LMBR1L: variants seen among roughly 807,000 people sequenced by gnomAD.
The protein encoded by LMBR1L is protein LMBR1L.
In LMBR1L, 47 loss-of-function variants were observed where a neutral mutation model predicts 67.3. The ratio of observed to expected loss-of-function variants is 0.70; its 90% CI spans 0.55 to 0.89. The LOEUF (loss-of-function observed/expected upper bound fraction) is 0.89, where lower values mean the gene tolerates loss of function less well. LMBR1L is among the 40% of genes least tolerant of loss of function. The pLI, the probability that LMBR1L is intolerant of heterozygous loss-of-function variation, is 0.00. For missense variants in LMBR1L, 533 were observed against 599.2 expected (o/e 0.89, Z 1.15); for synonymous variants, 247 against 250.3 (o/e 0.99, Z 0.13).
rs567938566 is a variant in LMBR1L at position 49,110,605 on chromosome 12, C to T, written c.-50G>A. The T allele has an allele frequency of 9.6e-6, 15 of 1,568,148 alleles. No homozygotes were observed. The highest frequency in any genetic ancestry group is 1.3e-5 in the African/African-American group (1 of 74,126). ...GAGGTGCCTCTGGGCCCGGGGAGGA[C>T]GAGCGGGGAGGAAGCCGCCGCCGCC... On this transcript the variant is annotated 5_prime_UTR_variant, in exon 1 of 17. Transcript: ENST00000267102.
chr12:49,101,865 C>T, intron 11 of LMBR1L: 1 of 579,972 alleles, frequency 1.7e-6, no homozygotes, highest in Middle Eastern at 4.6e-4. Flanking sequence ...ATTTTAATGC[C>T]AGGGCAAACC....
rs1233895451 is a variant in LMBR1L at position 49,097,602 on chromosome 12, T to C, written c.*70A>G. 2.6e-6 allele frequency: 4 copies of C among 1,509,904 alleles called. No homozygotes were observed. Among genetic ancestry groups the C allele is most frequent in the Non-Finnish European group, 3.7e-6 (4 of 1,091,254 alleles). 93.5% of individuals were successfully genotyped at this position (1,509,904 alleles called of 1,614,324 possible). ...CCAGGTCCTGAGGTCCAAGTAGCCTTGGGCTTCCCTCCAGGCCTAGGCAGC... is the reference window on the plus strand; with the variant it reads ...CCAGGTCCTGAGGTCCAAGTAGCCTCGGGCTTCCCTCCAGGCCTAGGCAGC... On this transcript the variant is annotated 3_prime_UTR_variant, in exon 17 of 17. Transcript: ENST00000267102.
In LMBR1L at chr12:49,107,062, G is replaced by A. The variant is rs1483369569; in HGVS notation, c.73-17C>T. ...TGTTGATATCTGTAGCAGAATATGA[G>A]CTGGGATGAGAAGCTCTAACCTTCA... is the stretch of plus-strand genomic sequence containing the variant. On this transcript the variant is annotated splice_polypyrimidine_tract_variant and intron_variant, in intron 1 of 16. Coordinates refer to ENST00000267102, the MANE Select transcript of LMBR1L (RefSeq NM_018113.4). 1 of 1,574,368 alleles carries A rather than the reference G, an allele frequency of 6.4e-7. No homozygotes were observed. Among genetic ancestry groups the A allele is most frequent in the East Asian group, 2.2e-5 (1 of 44,690 alleles).
rs138317156 is a variant in LMBR1L, at chr12:49,106,018, G to A, written c.158-61C>T. ...GACATCAGGGGGCAGCTCTGAGGCCGTTAGTATTACAATGTGCTCCCTGCC... is the reference window on the plus strand; with the variant it reads ...GACATCAGGGGGCAGCTCTGAGGCCATTAGTATTACAATGTGCTCCCTGCC... On this transcript the variant is annotated intron_variant, in intron 2 of 16. Transcript: ENST00000267102. 2,171 of 1,446,512 alleles carry A rather than the reference G, an allele frequency of 1.5e-3. 16 individuals are homozygous for A. Among genetic ancestry groups the A allele is most frequent in the South Asian group, 3.7e-3 (313 of 85,008 alleles). 89.6% of individuals were successfully genotyped at this position (1,446,512 alleles called of 1,614,324 possible).
Position 49,102,483 on chromosome 12 carries a change from T to A in LMBR1L, c.754A>T (p.Thr252Ser). 1 of 1,614,100 alleles carries A rather than the reference T, an allele frequency of 6.2e-7. No individual in the cohort carries two copies. Among genetic ancestry groups the A allele is most frequent in the Non-Finnish European group, 8.5e-7 (1 of 1,180,006 alleles). Residue 252 changes from threonine to serine, a missense_variant, in exon 9 of 17, where the codon ACC becomes TCC. This residue lies in a region of LMBR1L where 64 missense variants were observed against 109.0 expected (regional missense o/e 0.59). Transcript: ENST00000267102. ...TGCAACTTACTACAGATCCTGCGGG[T>A]CAGGGCTGCCTCCTCAAAGGCTGAG... ...YCSAFEEAAL[T>S]RRICNPTSCW...
At chr12:49,109,287 AC>A (rs1941272532) in intron 1 of LMBR1L, among the ~76,000 whole-genome samples, 1 of 152,188 alleles carries the variant, frequency 6.6e-6, no homozygotes, top group Admixed American at 6.5e-5. Context: ...CCAGCCCGAC[AC>A]TGTCTCAAGG....
intron 2 of LMBR1L, 67 bp downstream of exon 2, chr12:49,106,894 G>T: frequency 8.0e-7 from 1 of 1,253,976 alleles, no homozygotes; most frequent in Non-Finnish European, 1.2e-6. Flanking sequence ...GGGTACCATA[G>T]GCCCATTCCC....
At chr12:49,100,895 TTTTTTGTAC>T in intron 13 of LMBR1L, 1 of 550,342 alleles carries the variant, frequency 1.8e-6, no homozygotes, top group East Asian at 3.3e-5. Context: ...GTCTGGCTAA[TTTTTTGTAC>T]TTTTTGTAGA....
chr12:49,110,764 G>T lies in LMBR1L; in HGVS notation c.-209C>A. On this transcript the variant is annotated 5_prime_UTR_variant, in exon 1 of 17. Transcript: ENST00000267102. The stretch of plus-strand genomic sequence containing the variant: ...GGCACCACCCGCCTCGTTTTAAAGG[G>T]CTCTGTCCTCCCTTTGCTCCCCACT... 1.7e-6 allele frequency: 1 copy of T among 585,662 alleles called. No homozygotes were observed. The highest frequency in any genetic ancestry group is 3.0e-5 in the Admixed American group (1 of 33,762). The allele number at this position is 585,662 out of a possible 1,614,324, so 36.3% of individuals were successfully genotyped here.
Position 49,103,147 on chromosome 12 carries a change from T to C in LMBR1L, c.575A>G (p.Tyr192Cys). 3.7e-6 allele frequency: 6 copies of C among 1,613,704 alleles called. No homozygotes were observed. The South Asian group carries it at 6.6e-5, about 18-fold the overall frequency. ...GCATGAGTAGAGGTAGGGGAGATAG[T>C]ACTCCCAAAAGTCTAAGGATAAAAA... ...NRESLYDFWE[Y>C]YLPYLYSCIS... is the part of the protein sequence containing the mutation. Residue 192 changes from tyrosine (Y) to cysteine (C), a missense_variant, in exon 7 of 17, where the codon TAC becomes TGC. By Grantham distance (194) the Tyr-to-Cys change is radical. Coordinates refer to ENST00000267102, the MANE Select transcript of LMBR1L (RefSeq NM_018113.4).
Position 49,097,642 on chromosome 12 carries a change from A to G in LMBR1L, c.*30T>C. On this transcript the variant is annotated 3_prime_UTR_variant, in exon 17 of 17. Coordinates refer to ENST00000267102, the MANE Select transcript of LMBR1L (RefSeq NM_018113.4). ...GCCTAGGCAGCAGATGGCAGTGTCC[A>G]GTTTTTTCCTTCCCACCCCCAGCTG... 6.2e-7 allele frequency: 1 copy of G among 1,609,944 alleles called. No homozygotes were observed. The highest frequency in any genetic ancestry group is 8.5e-7 in the Non-Finnish European group (1 of 1,177,722).
chr12:49,108,561 C>CA (rs35533408), intron 1 of LMBR1L, among the ~76,000 whole-genome samples: 1,722 of 46,874 alleles, frequency 0.037, 60 homozygotes, highest in African/African-American at 0.079. Flanking sequence ...GACTGAGTCT[C>CA]AAAAAAAAAA....
In LMBR1L at chr12:49,106,404, T is replaced by C. The variant is rs112869863; in HGVS notation, c.158-447A>G. The C allele has an allele frequency of 3.9e-3, 1,601 of 409,226 alleles. 28 individuals are homozygous for C. Among genetic ancestry groups the C allele is most frequent in the African/African-American group, 0.031 (1,476 of 48,356 alleles). 25.3% of individuals were successfully genotyped at this position (409,226 alleles called of 1,614,324 possible). On this transcript the variant is annotated intron_variant, in intron 2 of 16. Transcript: ENST00000267102. ...TGCCTTGTTGAGGGGGGACTCATCC[T>C]GAGCCATCCTAAGAGGAGGAAAGGC...
At chr12:49,107,111 C>T in intron 1 of LMBR1L, 66 bp from the exon 2 acceptor site, 1 of 1,061,582 alleles carries the variant, frequency 9.4e-7, no homozygotes, top group Non-Finnish European at 1.5e-6. Context: ...CCCCAAGGGC[C>T]TCTCTGTTAA....
intron 1 of LMBR1L, among the ~76,000 whole-genome samples, chr12:49,107,636 C>T (rs1487089175): frequency 6.6e-6 from 1 of 152,222 alleles, no homozygotes; most frequent in Admixed American, 6.5e-5. Context: ...ACCAGAGTCT[C>T]ATTTAATCCT....
At chr12:49,101,706 C>T in intron 11 of LMBR1L, 157 bp from the exon 12 acceptor site, 1 of 612,928 alleles carries the variant, frequency 1.6e-6, no homozygotes. Context: ...CTATTAGCAA[C>T]AGAGTGCCTT....
At position 49,110,718 on chromosome 12, in the gene LMBR1L, C is replaced by A. The variant is rs923068623; in HGVS notation, c.-163G>T. The A allele has an allele frequency of 1.1e-5, 7 of 633,360 alleles. No homozygotes were observed. Among genetic ancestry groups the A allele is most frequent in the Non-Finnish European group, 2.0e-5 (7 of 353,710 alleles). 39.2% of individuals were successfully genotyped at this position (633,360 alleles called of 1,614,324 possible). Reference sequence around the variant, plus strand: ...TGGGGCTCAGATACAGTCGTCCGGACGCCCCGCCCTTAAAGGGGCAGGCAC... The same window carrying A: ...TGGGGCTCAGATACAGTCGTCCGGAAGCCCCGCCCTTAAAGGGGCAGGCAC... On this transcript the variant is annotated 5_prime_UTR_variant, in exon 1 of 17. Transcript: ENST00000267102.
intron 1 of LMBR1L, chr12:49,109,952 C>G (rs536836493): frequency 1.4e-5 from 6 of 443,854 alleles, no homozygotes; most frequent in South Asian, 9.5e-5. Flanking sequence ...TTCCTCATCT[C>G]TACATATTAG....
rs550533708 is a variant in LMBR1L at position 49,105,664 on chromosome 12, C to T, written c.191+260G>A. Among the ~76,000 whole-genome samples the T allele has an allele frequency of 3.7e-4, 57 of 152,294 alleles. 2 individuals are homozygous for T. In the South Asian group the frequency reaches 0.012, roughly 31 times the overall value. ...GCTGGGAGGTGAAGCCAAGCTGGAG[C>T]CATTTCCGGTGACTCAGGCCCCAGC... On this transcript the variant is annotated intron_variant, in intron 3 of 16. Coordinates refer to ENST00000267102, the MANE Select transcript of LMBR1L (RefSeq NM_018113.4).
Sources: gnomAD v4.1 joint callset for allele counts (sites outside exome capture counted in the v4.1 genomes callset) on GRCh38, gnomAD v4.1.1 for gene constraint, gnomAD v4.1.1 regional missense constraint, MANE v1.5 for transcripts, NCBI Gene and HGNC (gene_info 2026-07-23, HGNC 2026-07-21) for gene names.